The following UGCG variants were observed in gnomAD, a reference collection of about 807,000 sequenced individuals.
UGCG encodes ceramide glucosyltransferase.
A neutral mutation model predicts 49.5 loss-of-function variants in UGCG; 10 were observed. The observed-to-expected ratio is 0.20, with a 90% confidence interval of 0.12 to 0.34. The LOEUF (loss-of-function observed/expected upper bound fraction) is 0.34. UGCG is among the 10% of genes least tolerant of loss of function. The pLI, the probability that UGCG is intolerant of heterozygous loss-of-function variation, is 1.00. For synonymous variants in UGCG, 182 were observed against 158.2 expected (o/e 1.15, Z -1.13); for missense variants, 312 against 483.7 (o/e 0.65, Z 3.33).
chr9:111,905,094 G>T lies in UGCG; in HGVS notation c.98+7781G>T, dbSNP rs555715735. On this transcript the variant is annotated intron_variant, in intron 1 of 8. Coordinates refer to ENST00000374279, the MANE Select transcript of UGCG (RefSeq NM_003358.3). ...AGAAAAATTAAACTAGAAGCCGTCT[G>T]TTCCACCCTTTGGCCCTTTCACTCA... 4.6e-5 allele frequency among the ~76,000 whole-genome samples: 7 copies of T among 152,280 alleles called. No individual in the cohort carries two copies. In the South Asian group the frequency reaches 1.5e-3, roughly 32 times the overall value.
chr9:111,903,217 G>T (rs1334424709), intron 1 of UGCG, among the ~76,000 whole-genome samples: 1 of 152,142 alleles, frequency 6.6e-6, no homozygotes, highest in Non-Finnish European at 1.5e-5. Context: ...TGCATCCCAG[G>T]CTTCCCTCTT....
At chr9:111,921,587 G>T (rs1163058573) in intron 2 of UGCG, among the ~76,000 whole-genome samples, 2 of 150,504 alleles carry the variant, frequency 1.3e-5, no homozygotes, top group African/African-American at 4.9e-5. Context: ...GGAGGCGGAG[G>T]TTGCAGTGAG....
chr9:111,926,499 G>T lies in UGCG; in HGVS notation c.558+3G>T, dbSNP rs765701477. On this transcript the variant is annotated splice_donor_region_variant and intron_variant, in intron 5 of 8. Transcript: ENST00000374279. ...GCTTTGCTGCCACCTTAGAGCAGGT[G>T]AGTATGGTGGTTATAAATCATGTTC... The T allele has an allele frequency of 1.1e-4, 171 of 1,595,556 alleles. 1 individual carries two copies. The highest frequency in any genetic ancestry group is 4.3e-6 in the Non-Finnish European group (5 of 1,169,446).
intron 8 of UGCG, 27 bp from the exon 9 acceptor site, chr9:111,932,799 AT>A: frequency 6.6e-7 from 1 of 1,524,494 alleles, no homozygotes; most frequent in Non-Finnish European, 8.8e-7. Context: ...AGTGAGTGAA[AT>A]TAAAAAATTT....
At chr9:111,918,565 C>T (rs998383919) in intron 2 of UGCG, among the ~76,000 whole-genome samples, 2 of 152,226 alleles carry the variant, frequency 1.3e-5, no homozygotes, top group African/African-American at 2.4e-5. Flanking sequence ...ATATGAGTCT[C>T]ATTTACACTC....
intron 3 of UGCG, 55 bp downstream of exon 3, chr9:111,923,006 A>C: frequency 2.6e-6 from 3 of 1,163,462 alleles, no homozygotes; most frequent in African/African-American, 1.5e-5. Context: ...AAGTATCAGT[A>C]ATCTCTGCAT....
chr9:111,897,034 C>T lies in UGCG; in HGVS notation c.-182C>T. On this transcript the variant is annotated 5_prime_UTR_variant, in exon 1 of 9. Transcript: ENST00000374279. ...AAGACAGCGCGCAGGCGAGAGCGCG[C>T]GGGCGGGGGCGCGCAGGCCCTGCCC... 1 of 356,680 alleles carries T rather than the reference C, an allele frequency of 2.8e-6. No homozygotes were observed. Among genetic ancestry groups the T allele is most frequent in the Non-Finnish European group, 5.0e-6 (1 of 201,674 alleles). The allele number at this position is 356,680 out of a possible 1,614,324, so 22.1% of individuals were successfully genotyped here.
intron 1 of UGCG, among the ~76,000 whole-genome samples, chr9:111,901,809 A>G (rs559047737): frequency 2.0e-5 from 3 of 152,322 alleles, no homozygotes; most frequent in African/African-American, 7.2e-5. Flanking sequence ...ACACCTTCAT[A>G]TCTATCCTAG....
At chr9:111,932,635 G>C (rs933030193) in intron 8 of UGCG, among the ~76,000 whole-genome samples, 192 bp from the exon 9 acceptor site, 2 of 152,136 alleles carry the variant, frequency 1.3e-5, no homozygotes, top group African/African-American at 4.8e-5. Context: ...CATTAAGATA[G>C]CAGTTATTTT....
Position 111,933,012 on chromosome 9 carries a change from C to G in UGCG, c.*15C>G. 1 of 1,520,732 alleles carries G rather than the reference C, an allele frequency of 6.6e-7. No individual in the cohort carries two copies. Among genetic ancestry groups the G allele is most frequent in the Non-Finnish European group, 8.8e-7 (1 of 1,133,012 alleles). The allele number at this position is 1,520,732 out of a possible 1,614,324, so 94.2% of individuals were successfully genotyped here. A position where few individuals can be genotyped will look rare whatever the true frequency, so the allele number is the denominator to read the frequency against. ...TAGATGTATAACTACAGCTTTGTGA[C>G]TGTATATAAAGGAAAAAAGAGAAGT... On this transcript the variant is annotated 3_prime_UTR_variant, in exon 9 of 9. Coordinates refer to ENST00000374279, the MANE Select transcript of UGCG (RefSeq NM_003358.3).
chr9:111,923,720 C>A (rs1229653772), intron 3 of UGCG, among the ~76,000 whole-genome samples: 1 of 152,050 alleles, frequency 6.6e-6, no homozygotes, highest in African/African-American at 2.4e-5. Flanking sequence ...GCAACCCCTT[C>A]CACCTGGGTT....
At chr9:111,915,082 G>A (rs963893170) in intron 2 of UGCG, 1 of 186,712 alleles carries the variant, frequency 5.4e-6, no homozygotes, top group East Asian at 1.3e-4. Flanking sequence ...GAGGAGACAA[G>A]GAGAGGGAGA....
intron 6 of UGCG, among the ~76,000 whole-genome samples, chr9:111,930,061 G>A (rs1838395504): frequency 6.6e-6 from 1 of 151,982 alleles, no homozygotes; most frequent in African/African-American, 2.4e-5. Context: ...CAAGTGATCT[G>A]CCCACCTCGG....
chr9:111,900,458 C>T (rs1362656955), intron 1 of UGCG, among the ~76,000 whole-genome samples: 1 of 142,442 alleles, frequency 7.0e-6, no homozygotes, highest in Non-Finnish European at 1.5e-5. Flanking sequence ...CCTTTTTTAC[C>T]TGGAGGTGTA....
Position 111,897,097 on chromosome 9 carries a change from C to T in UGCG, c.-119C>T, listed in dbSNP as rs1368360000. ...CCCACCCCCCTCCGCCCTTTCCTCT[C>T]CCCACCTTCCTCTCGCCTCCCGCGC... On this transcript the variant is annotated 5_prime_UTR_variant, in exon 1 of 9. Coordinates refer to ENST00000374279, the MANE Select transcript of UGCG (RefSeq NM_003358.3). 4.3e-6 allele frequency: 2 copies of T among 470,130 alleles called. No individual in the cohort carries two copies. The highest frequency in any genetic ancestry group is 7.1e-6 in the Non-Finnish European group (2 of 281,818). 29.1% of individuals were successfully genotyped at this position (470,130 alleles called of 1,614,324 possible).
At chr9:111,907,726 G>A (rs1009088384) in intron 1 of UGCG, among the ~76,000 whole-genome samples, 1 of 151,532 alleles carries the variant, frequency 6.6e-6, no homozygotes, top group African/African-American at 2.4e-5. Context: ...CCGGATTCAA[G>A]TGATTCTCCT....
chr9:111,919,668 G>A (rs1036141514), intron 2 of UGCG, among the ~76,000 whole-genome samples: 4 of 148,326 alleles, frequency 2.7e-5, no homozygotes, highest in Non-Finnish European at 4.5e-5. Flanking sequence ...GGTGGCGGAT[G>A]CCTGTAGTCC....
chr9:111,918,662 G>C (rs1048822363), intron 2 of UGCG, among the ~76,000 whole-genome samples: 1 of 152,104 alleles, frequency 6.6e-6, no homozygotes, highest in Non-Finnish European at 1.5e-5. Context: ...GGCCGGGGGC[G>C]GTGGCTCACG....
At chr9:111,913,362 A>G (rs1458637570) in intron 1 of UGCG, among the ~76,000 whole-genome samples, 1 of 152,182 alleles carries the variant, frequency 6.6e-6, no homozygotes, top group Non-Finnish European at 1.5e-5. Context: ...TAGAAACTTC[A>G]CCACTGTATT....
Sources: gnomAD v4.1 joint callset for allele counts (sites outside exome capture counted in the v4.1 genomes callset) on GRCh38, gnomAD v4.1.1 for gene constraint, MANE v1.5 for transcripts, NCBI Gene and HGNC (gene_info 2026-07-23, HGNC 2026-07-21) for gene names.